ANGPT2: variants seen among roughly 807,000 people sequenced by gnomAD.
The protein encoded by ANGPT2 is angiopoietin 2, also known as angiopoietin-2.
ANGPT2 carries 28 observed loss-of-function variants against 62.9 expected under a neutral mutation model. That is an observed-to-expected ratio of 0.44 (90% confidence interval 0.33 to 0.61). The LOEUF (loss-of-function observed/expected upper bound fraction) is 0.61, where lower values mean the gene tolerates loss of function less well. Among genes scored for constraint, ANGPT2 ranks in the 20% least tolerant of loss-of-function variants. The pLI is 0.03. For synonymous variants in ANGPT2, 284 were observed against 207.8 expected, an observed-to-expected ratio of 1.37 and a Z score of -3.15; for missense variants, 727 against 594.9, an observed-to-expected ratio of 1.22 and a Z score of -2.31.
chr8:6,515,064 C>T (rs978270852), intron 5 of ANGPT2, among the ~76,000 whole-genome samples: 20 of 151,696 alleles, frequency 1.3e-4, no homozygotes, highest in African/African-American at 4.9e-4. Context: ...AGACCCCACC[C>T]TGATGGCTGG....
intron 2 of ANGPT2, among the ~76,000 whole-genome samples, chr8:6,530,021 A>T (rs945393446): frequency 2.0e-5 from 3 of 151,698 alleles, no homozygotes; most frequent in East Asian, 1.9e-4. Context: ...TTATTTTTTT[A>T]AATTTTTGCC....
Position 6,527,641 on chromosome 8 carries a change from G to A in ANGPT2, c.480C>T (p.Leu160=). 1.2e-6 allele frequency: 2 copies of A among 1,613,954 alleles called. No individual in the cohort carries two copies. The highest frequency in any genetic ancestry group is 1.3e-5 in the African/African-American group (1 of 75,038). ...TGTTTGTCGAGAGGGAGTGTTCCAA[G>A]AGCTGAAGTTCAAGTCTCGTGGTCT... is the stretch of plus-strand genomic sequence containing the variant. ...LNQTTRLELQ[L]LEHSLSTNKL... The change falls in exon 3 of 9, where the codon CTC becomes CTT. Residue 160 remains leucine (L), a synonymous_variant. Transcript: ENST00000629816.
chr8:6,513,700 A>G lies in ANGPT2; in HGVS notation c.1174T>C (p.Ser392Pro). ...AYSLYEHFYL[S>P]SEELNYRIHL... ...TACCTATAATTGAGTTCTTCACTTG[A>G]GAGATAGAAATGTTCATACAATGAG... The change falls in exon 7 of 9, where the codon TCA (serine) becomes CCA (proline). Residue 392 changes from serine to proline, a missense_variant. Physicochemically the swap from Ser to Pro is moderately conservative, Grantham distance 74 (BLOSUM62 -1). Coordinates refer to ENST00000629816, the MANE Select transcript of ANGPT2 (RefSeq NM_001118887.2). The G allele has an allele frequency of 6.2e-7, 1 of 1,611,734 alleles. No homozygotes were observed. The highest frequency in any genetic ancestry group is 8.5e-7 in the Non-Finnish European group (1 of 1,179,382).
chr8:6,502,847 T>C lies in ANGPT2; in HGVS notation c.*254A>G. ...TAAACTGTCAGTCTGATTCTCAGCC[T>C]CGGGTTCATCTTTGCATAGGTGTTC... is the stretch of plus-strand genomic sequence containing the variant. On this transcript the variant is annotated 3_prime_UTR_variant, in exon 9 of 9. Transcript: ENST00000629816. 2 of 448,798 alleles carry C rather than the reference T, an allele frequency of 4.5e-6. No homozygotes were observed. Among genetic ancestry groups the C allele is most frequent in the Non-Finnish European group, 7.9e-6 (2 of 251,842 alleles). The allele number at this position is 448,798 out of a possible 1,614,324, so 27.8% of individuals were successfully genotyped here.
At chr8:6,518,245 C>G (rs1340726336) in intron 5 of ANGPT2, among the ~76,000 whole-genome samples, 1 of 152,196 alleles carries the variant, frequency 6.6e-6, no homozygotes, top group Non-Finnish European at 1.5e-5. Context: ...TCTTGACACT[C>G]CTGTCCCCAG....
At chr8:6,532,592 ATCTATC>A in intron 1 of ANGPT2, 105 bp from the exon 2 acceptor site, 34 of 806,080 alleles carry the variant, frequency 4.2e-5, no homozygotes, top group Non-Finnish European at 5.4e-5. Flanking sequence ...AAAAAAAAAA[ATCTATC>A]AAAAGACTTG....
At chr8:6,504,690 T>A (rs1812923283) in intron 8 of ANGPT2, among the ~76,000 whole-genome samples, 1 of 152,200 alleles carries the variant, frequency 6.6e-6, no homozygotes, top group African/African-American at 2.4e-5. Context: ...ACACTAAGGA[T>A]GCTAAGATCT....
rs975434723 is a variant in ANGPT2 at position 6,531,692 on chromosome 8, C to T, written c.444+640G>A. Among the ~76,000 whole-genome samples the T allele has an allele frequency of 3.3e-5, 5 of 152,150 alleles. No homozygotes were observed. In the South Asian group the frequency reaches 8.3e-4, roughly 25 times the overall value. On this transcript the variant is annotated intron_variant, in intron 2 of 8. Transcript: ENST00000629816. ...TTAGCAATCACTTGTCTGGCCCAAC[C>T]CTTTATATTATTTGAGGCCCAGAAA...
At chr8:6,551,342 C>G (rs1339320573) in intron 1 of ANGPT2, among the ~76,000 whole-genome samples, 2 of 152,100 alleles carry the variant, frequency 1.3e-5, no homozygotes, top group Non-Finnish European at 2.9e-5. Context: ...CTATGCATGT[C>G]AGCTGCAACG....
At chr8:6,562,574 T>TTTTTTAAAAA in intron 1 of ANGPT2, 73 bp downstream of exon 1, 1 of 583,796 alleles carries the variant, frequency 1.7e-6, no homozygotes, top group Non-Finnish European at 2.6e-6. Flanking sequence ...TTTTTTTTGG[T>TTTTTTAAAAA]TGTTAAAACC....
At chr8:6,509,240 C>G (rs1814438638) in intron 7 of ANGPT2, among the ~76,000 whole-genome samples, 178 bp from the exon 8 acceptor site, 1 of 151,986 alleles carries the variant, frequency 6.6e-6, no homozygotes, top group Non-Finnish European at 1.5e-5. Context: ...AACTTATCAT[C>G]AAATCCTTCA....
intron 1 of ANGPT2, among the ~76,000 whole-genome samples, chr8:6,553,439 T>A (rs901513129): frequency 6.6e-6 from 1 of 152,152 alleles, no homozygotes; most frequent in Non-Finnish European, 1.5e-5. Context: ...GGAGAATAAC[T>A]TCAGAGGCTT....
chr8:6,553,074 G>A (rs186293241), intron 1 of ANGPT2, among the ~76,000 whole-genome samples: 1 of 152,244 alleles, frequency 6.6e-6, no homozygotes, highest in African/African-American at 2.4e-5. Context: ...AGAATGTACA[G>A]CACCAGATGT....
intron 1 of ANGPT2, among the ~76,000 whole-genome samples, chr8:6,543,265 C>G (rs1273294222): frequency 6.6e-6 from 1 of 152,210 alleles, no homozygotes. Context: ...CACAAGCCAT[C>G]TTCTGTACAT....
At chr8:6,539,459 C>G (rs1723898831) in intron 1 of ANGPT2, among the ~76,000 whole-genome samples, 1 of 152,174 alleles carries the variant, frequency 6.6e-6, no homozygotes, top group African/African-American at 2.4e-5. Context: ...ATTGTGACTT[C>G]TCTTAGGGAG....
chr8:6,547,965 T>G (rs1190345758), intron 1 of ANGPT2, among the ~76,000 whole-genome samples: 2 of 152,074 alleles, frequency 1.3e-5, no homozygotes, highest in African/African-American at 2.4e-5. Context: ...CCAGTTTAAT[T>G]TTATCAGTGG....
At position 6,500,224 on chromosome 8, in the gene ANGPT2, G is replaced by A. The variant is rs912696934; in HGVS notation, c.*2877C>T. The A allele has an allele frequency of 2.0e-5, 8 of 395,942 alleles. No homozygotes were observed. The highest frequency in any genetic ancestry group is 3.8e-5 in the Admixed American group (1 of 26,658). The allele number at this position is 395,942 out of a possible 1,614,324, so 24.5% of individuals were successfully genotyped here. A position where few individuals can be genotyped will look rare whatever the true frequency, so the allele number is the denominator to read the frequency against. ...AAAAGACTGAATTCTTGGGCAGGTA[G>A]TCTTATATCTTGCTTAATGTTTTTA... On this transcript the variant is annotated 3_prime_UTR_variant, in exon 9 of 9. Coordinates refer to ENST00000629816, the MANE Select transcript of ANGPT2 (RefSeq NM_001118887.2).
Position 6,499,913 on chromosome 8 carries a change from A to G in ANGPT2, c.*3188T>C, listed in dbSNP as rs759315277. 1 of 1,613,678 alleles carries G rather than the reference A, an allele frequency of 6.2e-7. No homozygotes were observed. The highest frequency in any genetic ancestry group is 1.3e-5 in the African/African-American group (1 of 75,018). On this transcript the variant is annotated 3_prime_UTR_variant, in exon 9 of 9. Transcript: ENST00000629816. ...GAGGAGCCGTTCGAACTGTCTCACC[A>G]CTTCCCTGCAGCTCCCGTAAGTCAG...
In ANGPT2 at chr8:6,500,059, C is replaced by G; in HGVS notation, c.*3042G>C. On this transcript the variant is annotated 3_prime_UTR_variant, in exon 9 of 9. Transcript: ENST00000629816. ...ATGCCCATAATTAAAAAGACATTCA[C>G]AGAACTTAACACCTTTTATCAATTT... is the stretch of plus-strand genomic sequence containing the variant. 2.6e-6 allele frequency: 2 copies of G among 755,650 alleles called. No individual in the cohort carries two copies. Among genetic ancestry groups the G allele is most frequent in the East Asian group, 2.6e-5 (1 of 38,976 alleles). 46.8% of individuals were successfully genotyped at this position (755,650 alleles called of 1,614,324 possible).
Sources: gnomAD v4.1 joint callset for allele counts (sites outside exome capture counted in the v4.1 genomes callset) on GRCh38, gnomAD v4.1.1 for gene constraint, MANE v1.5 for transcripts, NCBI Gene and HGNC (gene_info 2026-07-23, HGNC 2026-07-21) for gene names.